Variants in USP31 observed in about 807,000 individuals in gnomAD.
USP31 encodes ubiquitin specific peptidase 31, also known as ubiquitin carboxyl-terminal hydrolase 31.
USP31 carries 44 observed loss-of-function variants against 119.4 expected under a neutral mutation model. That is an observed-to-expected ratio of 0.37 (90% CI 0.29 to 0.47). The LOEUF is 0.47. USP31 is among the 20% of genes least tolerant of loss of function. The probability of loss-of-function intolerance (pLI) is 0.99; values close to 1 mark genes in which losing one functional copy is unlikely to be tolerated. For synonymous variants in USP31, 749 were observed against 705.6 expected, an observed-to-expected ratio of 1.06 and a Z score of -0.97; for missense variants, 1,643 against 1,730.2, an observed-to-expected ratio of 0.95 and a Z score of 0.89.
chr16:23,120,932 T>C (rs895651691), intron 1 of USP31, among the ~76,000 whole-genome samples: 1 of 152,128 alleles, frequency 6.6e-6, no homozygotes, highest in South Asian at 2.1e-4. Flanking sequence ...ACAGATTATA[T>C]ATACACACAC....
At chr16:23,085,091 G>GA (rs888601679) in intron 10 of USP31, 102 bp from the exon 11 acceptor site, 6,712 of 1,327,516 alleles carry the variant, frequency 5.1e-3, no homozygotes, top group East Asian at 5.7e-3. Flanking sequence ...ATAACCGAAG[G>GA]AAAAAAAAAA....
chr16:23,069,117 G>A lies in USP31; in HGVS notation c.2988C>T (p.Asp996=). 2 of 1,613,308 alleles carry A rather than the reference G, an allele frequency of 1.2e-6. No individual in the cohort carries two copies. The highest frequency in any genetic ancestry group is 2.2e-5 in the South Asian group (2 of 91,086). The stretch of plus-strand genomic sequence containing the variant: ...CTTTGACTGGAGAGCTGTCTACGGA[G>A]TCGCTCTGATCCACATAAGCGATCT... ...NNQIAYVDQS[D]SVDSSPVKEV... Residue 996 remains aspartate, a synonymous_variant, in exon 16 of 16, where the codon GAC becomes GAT. Transcript: ENST00000219689.
intron 7 of USP31, 105 bp downstream of exon 7, chr16:23,090,519 A>G (rs1901308865): frequency 1.7e-6 from 2 of 1,189,260 alleles, no homozygotes; most frequent in South Asian, 4.9e-5. Flanking sequence ...AGAATCAAAA[A>G]TTAACTACTA....
intron 5 of USP31, among the ~76,000 whole-genome samples, chr16:23,102,764 C>G (rs1020864825): frequency 6.6e-6 from 1 of 152,130 alleles, no homozygotes; most frequent in African/African-American, 2.4e-5. Context: ...TGAACAGAGT[C>G]TATTTTTTCT....
At chr16:23,110,176 T>C (rs553512787) in intron 1 of USP31, among the ~76,000 whole-genome samples, 2 of 152,342 alleles carry the variant, frequency 1.3e-5, no homozygotes, top group South Asian at 4.1e-4. Context: ...TTTCTGTAAA[T>C]CTAAAACTAT....
rs913463708 is a variant in USP31, at chr16:23,062,069, C to T, written c.*5977G>A. On this transcript the variant is annotated 3_prime_UTR_variant, in exon 16 of 16. Transcript: ENST00000219689. ...GACGACTGCAACAGATATCATTATTCTGGATGGCCTTTCTAAAGAAACATT... is the reference window on the plus strand; with the variant it reads ...GACGACTGCAACAGATATCATTATTTTGGATGGCCTTTCTAAAGAAACATT... 2 of 152,642 alleles carry T rather than the reference C, an allele frequency of 1.3e-5. No homozygotes were observed. Among genetic ancestry groups the T allele is most frequent in the African/African-American group, 4.8e-5 (2 of 41,458 alleles). 9.5% of individuals were successfully genotyped at this position (152,642 alleles called of 1,614,324 possible).
intron 6 of USP31, among the ~76,000 whole-genome samples, chr16:23,099,555 CTATAA>C (rs1901760985): frequency 6.6e-6 from 1 of 152,058 alleles, no homozygotes; most frequent in Middle Eastern, 3.4e-3. Context: ...GTTCAAAAAA[CTATAA>C]TATAAGAGCT....
intron 13 of USP31, 49 bp from the exon 14 acceptor site, chr16:23,073,929 C>T: frequency 6.2e-7 from 1 of 1,612,644 alleles, no homozygotes; most frequent in Non-Finnish European, 8.5e-7. Context: ...GCACCAGCCA[C>T]TTCATGCGAC....
intron 9 of USP31, 136 bp downstream of exon 9, chr16:23,086,955 TA>T: frequency 1.6e-6 from 1 of 624,364 alleles, no homozygotes; most frequent in Non-Finnish European, 2.7e-6. Flanking sequence ...AAATCAAAAG[TA>T]AAATAAGTAC....
intron 7 of USP31, among the ~76,000 whole-genome samples, chr16:23,089,897 CTTCAA>C: frequency 6.6e-6 from 1 of 152,260 alleles, no homozygotes; most frequent in African/African-American, 2.4e-5. Flanking sequence ...TTTGGACATA[CTTCAA>C]TTCAACTTGG....
At position 23,087,148 on chromosome 16, in the gene USP31, T is replaced by C. The variant is rs115885362; in HGVS notation, c.1566A>G (p.Gly522=). 56,586 of 1,613,708 alleles carry C rather than the reference T, an allele frequency of 0.035. 1,101 individuals are homozygous for C. Among genetic ancestry groups the C allele is most frequent in the Non-Finnish European group, 0.04 (47,410 of 1,179,788 alleles). The change falls in exon 9 of 16, where the codon GGA becomes GGG. Residue 522 remains glycine (G), a synonymous_variant. Coordinates refer to ENST00000219689, the MANE Select transcript of USP31 (RefSeq NM_020718.4). ...PFSLRVVSVV[G]ITYLLPQEEQ... Reference sequence around the variant, plus strand: ...CCTCCTGGGGCAGCAAATATGTTATTCCAACAACACTGACCACACGCAAGC... The same window carrying C: ...CCTCCTGGGGCAGCAAATATGTTATCCCAACAACACTGACCACACGCAAGC...
chr16:23,106,929 A>T (rs575832749), intron 2 of USP31, among the ~76,000 whole-genome samples: 13 of 152,180 alleles, frequency 8.5e-5, no homozygotes, highest in African/African-American at 3.1e-4. Flanking sequence ...CCTGACCAAC[A>T]TGGAGAAACC....
Position 23,143,590 on chromosome 16 carries a change from G to C in USP31, c.633+5048C>G, listed in dbSNP as rs535148640. Among the ~76,000 whole-genome samples the C allele has an allele frequency of 3.4e-3, 517 of 150,788 alleles. 2 individuals carry two copies. Among genetic ancestry groups the C allele is most frequent in the South Asian group, 6.6e-3 (31 of 4,720 alleles). On this transcript the variant is annotated intron_variant, in intron 1 of 15. Transcript: ENST00000219689. ...AGAAAGAGAGAGGGAGAGGTTGGGG[G>C]GGGGGAGAGAGAGAGAAAGAGAGAG...
chr16:23,098,998 T>C (rs1450924291), intron 6 of USP31, among the ~76,000 whole-genome samples: 1 of 152,210 alleles, frequency 6.6e-6, no homozygotes. Flanking sequence ...AAAGAGCTTC[T>C]GCACGGCAAA....
Position 23,129,004 on chromosome 16 carries a change from A to G in USP31, c.633+19634T>C, listed in dbSNP as rs536754057. On this transcript the variant is annotated intron_variant, in intron 1 of 15. Transcript: ENST00000219689. The stretch of plus-strand genomic sequence containing the variant: ...TTTAGAAGTATTTACAAATTAAACC[A>G]TAACTTTATGTCTTCTGAATTTAAC... Among the ~76,000 whole-genome samples the G allele has an allele frequency of 4.6e-5, 7 of 152,340 alleles. No homozygotes were observed. The East Asian group carries it at 1.2e-3, about 25-fold the overall frequency.
At chr16:23,114,233 C>G (rs902287428) in intron 1 of USP31, among the ~76,000 whole-genome samples, 4 of 152,050 alleles carry the variant, frequency 2.6e-5, no homozygotes, top group African/African-American at 9.7e-5. Flanking sequence ...AAAGATAGTC[C>G]TGCATGCAGA....
chr16:23,082,691 A>C, intron 11 of USP31, 134 bp from the exon 12 acceptor site: 2 of 1,236,988 alleles, frequency 1.6e-6, no homozygotes, highest in Non-Finnish European at 2.2e-6. Flanking sequence ...CATCAATGGA[A>C]TAACACAATC....
At chr16:23,095,847 C>T (rs943016102) in intron 6 of USP31, among the ~76,000 whole-genome samples, 1 of 152,114 alleles carries the variant, frequency 6.6e-6, no homozygotes, top group African/African-American at 2.4e-5. Flanking sequence ...CTGAAGGAAG[C>T]ACTAAACATG....
At chr16:23,146,397 G>A (rs1489982198) in intron 1 of USP31, among the ~76,000 whole-genome samples, 4 of 152,056 alleles carry the variant, frequency 2.6e-5, no homozygotes, top group South Asian at 2.1e-4. Flanking sequence ...TGTAGCGGGC[G>A]CCTGTAGTCC....
Sources: gnomAD v4.1 joint callset for allele counts (sites outside exome capture counted in the v4.1 genomes callset) on GRCh38, gnomAD v4.1.1 for gene constraint, MANE v1.5 for transcripts, NCBI Gene and HGNC (gene_info 2026-07-23, HGNC 2026-07-21) for gene names.